STX17: variants seen among roughly 807,000 people sequenced by gnomAD.
STX17 encodes syntaxin 17, also known as syntaxin-17.
STX17 carries 29 observed loss-of-function variants against 35.9 expected under a neutral mutation model. The ratio of observed to expected loss-of-function variants is 0.81; its 90% CI spans 0.60 to 1.10. The LOEUF (loss-of-function observed/expected upper bound fraction) is 1.10. STX17 is among the 50% of genes least tolerant of loss of function. The pLI is 0.00. For missense variants in STX17, 312 were observed against 352.3 expected (o/e 0.89, Z 0.92); for synonymous variants, 92 against 118.3 (o/e 0.78, Z 1.44).
At chr9:99,942,758 C>T (rs951401440) in intron 3 of STX17, among the ~76,000 whole-genome samples, 2 of 151,908 alleles carry the variant, frequency 1.3e-5, no homozygotes, top group Non-Finnish European at 2.9e-5. Flanking sequence ...ATAAGGATAC[C>T]CAAATTACTA....
In STX17 at chr9:99,967,664, G is replaced by A; in HGVS notation, c.594G>A (p.Glu198=). The change falls in exon 7 of 8, where the codon GAG becomes GAA. Residue 198 remains glutamate (E), a synonymous_variant. Coordinates refer to ENST00000259400, the MANE Select transcript of STX17 (RefSeq NM_017919.3). ...TCCTTTGCATCTAGTCTCAGCAGGAGAAGATTGACAGCATTGCAGACCATG... is the reference window on the plus strand; with the variant it reads ...TCCTTTGCATCTAGTCTCAGCAGGAAAAGATTGACAGCATTGCAGACCATG... The part of the protein sequence containing the change: ...DFSLLVNSQQ[E]KIDSIADHVN... The A allele has an allele frequency of 2.5e-6, 4 of 1,613,828 alleles. No homozygotes were observed. The highest frequency in any genetic ancestry group is 3.4e-6 in the Non-Finnish European group (4 of 1,179,850).
intron 3 of STX17, among the ~76,000 whole-genome samples, chr9:99,948,889 A>C (rs1829538080): frequency 6.6e-6 from 1 of 152,164 alleles, no homozygotes; most frequent in South Asian, 2.1e-4. Context: ...ACAAATGCTC[A>C]TTAAGTTTGG....
chr9:99,907,802 A>G (rs138423274), intron 1 of STX17, among the ~76,000 whole-genome samples: 139 of 152,328 alleles, frequency 9.1e-4, no homozygotes, highest in African/African-American at 3.2e-3. Flanking sequence ...AATACTATTA[A>G]CTGAATTACT....
intron 3 of STX17, chr9:99,945,655 C>T (rs1386770447): frequency 2.4e-5 from 7 of 287,648 alleles, no homozygotes; most frequent in Non-Finnish European, 4.8e-5. Flanking sequence ...TTTTAAATCT[C>T]CATATTTACT....
intron 6 of STX17, among the ~76,000 whole-genome samples, chr9:99,965,467 A>G (rs1829895595): frequency 6.6e-6 from 1 of 152,116 alleles, no homozygotes; most frequent in African/African-American, 2.4e-5. Context: ...CTACCTTTCA[A>G]CTCATCAACA....
rs527399179 is a variant in STX17 at position 99,973,789 on chromosome 9, C to G, written c.*5116C>G. ...TTCTGCTGAAAGATTTTCAGTGGTT[C>G]CCACTGAATACCAAATAAAGTTCGA... On this transcript the variant is annotated 3_prime_UTR_variant, in exon 8 of 8. Coordinates refer to ENST00000259400, the MANE Select transcript of STX17 (RefSeq NM_017919.3). Among the ~76,000 whole-genome samples, 2 of 152,254 alleles carry G rather than the reference C, an allele frequency of 1.3e-5. No homozygotes were observed. Among genetic ancestry groups the G allele is most frequent in the East Asian group, 3.9e-4 (2 of 5,178 alleles).
At chr9:99,918,793 G>T (rs1484867611) in intron 2 of STX17, among the ~76,000 whole-genome samples, 1 of 152,106 alleles carries the variant, frequency 6.6e-6, no homozygotes, top group Non-Finnish European at 1.5e-5. Flanking sequence ...TCTAGGTCTT[G>T]TTAGCTGTTC....
chr9:99,914,407 G>A (rs1828725315), intron 1 of STX17, among the ~76,000 whole-genome samples: 1 of 152,110 alleles, frequency 6.6e-6, no homozygotes, highest in African/African-American at 2.4e-5. Context: ...TGGAGTCCTG[G>A]AACCTACTCA....
At chr9:99,915,451 T>G in intron 2 of STX17, 89 bp downstream of exon 2, 4 of 1,454,160 alleles carry the variant, frequency 2.8e-6, no homozygotes. Flanking sequence ...GAATATTAGA[T>G]AAGAGGCATT....
intron 3 of STX17, 124 bp downstream of exon 3, chr9:99,928,967 T>C: frequency 2.5e-6 from 2 of 804,444 alleles, no homozygotes; most frequent in Non-Finnish European, 3.8e-6. Context: ...TACTTGAGGA[T>C]ACATTTTTAG....
At chr9:99,965,097 GC>G in intron 6 of STX17, among the ~76,000 whole-genome samples, 1 of 152,110 alleles carries the variant, frequency 6.6e-6, no homozygotes. Flanking sequence ...ATAGATGTGG[GC>G]TACTCCCCAG....
intron 3 of STX17, among the ~76,000 whole-genome samples, chr9:99,935,242 A>C: frequency 6.6e-6 from 1 of 150,772 alleles, no homozygotes; most frequent in Non-Finnish European, 1.5e-5. Flanking sequence ...AGGCAGGAGA[A>C]TGGCGTGAAC....
intron 1 of STX17, among the ~76,000 whole-genome samples, chr9:99,912,907 C>T (rs1428134279): frequency 6.6e-6 from 1 of 152,036 alleles, no homozygotes; most frequent in East Asian, 1.9e-4. Context: ...TTGAAATATT[C>T]CTTTAAGTAC....
At chr9:99,946,047 C>T (rs1829475952) in intron 3 of STX17, among the ~76,000 whole-genome samples, 1 of 152,188 alleles carries the variant, frequency 6.6e-6, no homozygotes. Context: ...CGTGCCACTG[C>T]ACTCCAGCCT....
At chr9:99,931,581 T>A (rs1829125217) in intron 3 of STX17, among the ~76,000 whole-genome samples, 1 of 152,094 alleles carries the variant, frequency 6.6e-6, no homozygotes, top group African/African-American at 2.4e-5. Flanking sequence ...CTTACACATT[T>A]CTTTGGCTGC....
intron 3 of STX17, among the ~76,000 whole-genome samples, chr9:99,943,291 G>A (rs904534792): frequency 2.0e-5 from 3 of 151,448 alleles, no homozygotes; most frequent in South Asian, 2.1e-4. Context: ...ATACCACCTC[G>A]CCCGGCTGAT....
At chr9:99,962,013 A>G (rs976375316) in intron 6 of STX17, among the ~76,000 whole-genome samples, 2 of 152,104 alleles carry the variant, frequency 1.3e-5, no homozygotes, top group African/African-American at 4.8e-5. Flanking sequence ...TTTCCATATG[A>G]AAGTCTTTCA....
chr9:99,919,348 A>T (rs565804110), intron 2 of STX17, among the ~76,000 whole-genome samples: 2 of 152,152 alleles, frequency 1.3e-5, no homozygotes, highest in South Asian at 4.2e-4. Flanking sequence ...GCCTCAAGTG[A>T]TCCTCCTGCA....
At position 99,973,197 on chromosome 9, in the gene STX17, T is replaced by C. The variant is rs538760848; in HGVS notation, c.*4524T>C. Among the ~76,000 whole-genome samples, 2 of 145,398 alleles carry C rather than the reference T, an allele frequency of 1.4e-5. No individual in the cohort carries two copies. The highest frequency in any genetic ancestry group is 3.9e-4 in the East Asian group (2 of 5,174). ...ATAGAAATGGGAGATAAGAAATATA[T>C]CTGTGCAATATTAAATTGAAAAAAA... On this transcript the variant is annotated 3_prime_UTR_variant, in exon 8 of 8. Transcript: ENST00000259400.
Sources: gnomAD v4.1 joint callset for allele counts (sites outside exome capture counted in the v4.1 genomes callset) on GRCh38, gnomAD v4.1.1 for gene constraint, MANE v1.5 for transcripts, NCBI Gene and HGNC (gene_info 2026-07-23, HGNC 2026-07-21) for gene names.